The following ROBO2 variants were observed in gnomAD, a reference collection of about 807,000 sequenced individuals.
ROBO2 encodes the protein roundabout homolog 2.
In ROBO2, 53 loss-of-function variants were observed where a neutral mutation model predicts 160.8. That is an observed-to-expected ratio of 0.33 (90% CI 0.26 to 0.41). The LOEUF (loss-of-function observed/expected upper bound fraction) is 0.41. Ranked by LOEUF, ROBO2 falls within the 10% of genes least tolerant of loss-of-function variation. The pLI is 1.00. For missense variants in ROBO2, 1,577 were observed against 1,722.4 expected (o/e 0.92, Z 1.49); for synonymous variants, 664 against 611.7 (o/e 1.09, Z -1.26).
intron 2 of ROBO2, among the ~76,000 whole-genome samples, chr3:76,868,502 A>G (rs2071624488): frequency 6.6e-6 from 1 of 152,240 alleles, no homozygotes; most frequent in Non-Finnish European, 1.5e-5. Context: ...ACAATAAATC[A>G]CAACGTTCTA....
chr3:76,818,965 G>A (rs565143822), intron 2 of ROBO2, among the ~76,000 whole-genome samples: 4 of 151,914 alleles, frequency 2.6e-5, no homozygotes, highest in Middle Eastern at 3.4e-3. Context: ...CATATGAATT[G>A]ACTCTTCATC....
intron 2 of ROBO2, among the ~76,000 whole-genome samples, chr3:76,328,297 C>T (rs886907560): frequency 6.6e-6 from 1 of 152,096 alleles, no homozygotes; most frequent in Non-Finnish European, 1.5e-5. Flanking sequence ...GCTGAATATC[C>T]CATTAACCAA....
chr3:76,882,108 G>T (rs1339067316), intron 2 of ROBO2, among the ~76,000 whole-genome samples: 1 of 134,702 alleles, frequency 7.4e-6, no homozygotes, highest in African/African-American at 2.6e-5. Flanking sequence ...GTGTGTGTGT[G>T]TGTGTCTGTG....
intron 2 of ROBO2, among the ~76,000 whole-genome samples, chr3:76,345,356 G>A (rs1169437156): frequency 6.6e-6 from 1 of 151,486 alleles, no homozygotes; most frequent in Admixed American, 6.6e-5. Flanking sequence ...AAATAGGTGA[G>A]TATGAATGTG....
intron 2 of ROBO2, among the ~76,000 whole-genome samples, chr3:76,226,132 A>T (rs1559661703): frequency 6.6e-6 from 1 of 152,208 alleles, no homozygotes; most frequent in Non-Finnish European, 1.5e-5. Flanking sequence ...AAAACTTAAT[A>T]CTAAGAAATT....
chr3:76,101,317 C>A (rs1278876455), intron 2 of ROBO2, among the ~76,000 whole-genome samples: 1 of 152,096 alleles, frequency 6.6e-6, no homozygotes, highest in African/African-American at 2.4e-5. Flanking sequence ...CAACACTATA[C>A]AGACAGCAGT....
At chr3:76,427,270 A>G (rs2076258226) in intron 2 of ROBO2, among the ~76,000 whole-genome samples, 3 of 152,232 alleles carry the variant, frequency 2.0e-5, no homozygotes, top group South Asian at 4.1e-4. Flanking sequence ...CCTAAAAAAA[A>G]AAACCACTCG....
At chr3:76,157,946 A>G (rs2072471454) in intron 2 of ROBO2, among the ~76,000 whole-genome samples, 1 of 152,154 alleles carries the variant, frequency 6.6e-6, no homozygotes, top group African/African-American at 2.4e-5. Flanking sequence ...TCAGATAGGA[A>G]ATTCATTCTC....
At chr3:76,017,743 C>A (rs2066446345) in intron 2 of ROBO2, among the ~76,000 whole-genome samples, 1 of 151,990 alleles carries the variant, frequency 6.6e-6, no homozygotes, top group Admixed American at 6.6e-5. Context: ...TTCTACATTT[C>A]AAATAATGTG....
In ROBO2 at chr3:76,723,621, C is replaced by T. The variant is rs1247752117; in HGVS notation, c.110-374393C>T. Among the ~76,000 whole-genome samples the T allele has an allele frequency of 5.9e-5, 9 of 152,130 alleles. No individual in the cohort carries two copies. In the East Asian group the frequency reaches 1.7e-3, roughly 29 times the overall value. On this transcript the variant is annotated intron_variant, in intron 2 of 26. Transcript: ENST00000487694. ...TTGTCTCCTCTTTGTCCTTGTCTTC[C>T]AGTGCTAGTAAGCCCCATAGCTACA...
At chr3:76,113,627 T>A (rs989318094) in intron 2 of ROBO2, among the ~76,000 whole-genome samples, 1 of 152,168 alleles carries the variant, frequency 6.6e-6, no homozygotes, top group African/African-American at 2.4e-5. Flanking sequence ...ATTTTAGTGA[T>A]GAAGAGAACC....
At position 77,337,158 on chromosome 3, in the gene ROBO2, G is replaced by A. The variant is rs577185746; in HGVS notation, c.389-140256G>A. ...GAACATCGGCAATTTCTAGCTGTTAGAAAGTGAAGTCATATTTCTAAAGAG... is the reference window on the plus strand; with the variant it reads ...GAACATCGGCAATTTCTAGCTGTTAAAAAGTGAAGTCATATTTCTAAAGAG... On this transcript the variant is annotated intron_variant, in intron 2 of 25. Coordinates refer to ENST00000461745, the Ensembl canonical transcript of ROBO2. 4.6e-5 allele frequency among the ~76,000 whole-genome samples: 7 copies of A among 152,314 alleles called. No homozygotes were observed. In the East Asian group the frequency reaches 1.4e-3, roughly 29 times the overall value.
intron 2 of ROBO2, among the ~76,000 whole-genome samples, chr3:76,213,376 G>A (rs1187956139): frequency 1.3e-5 from 2 of 152,056 alleles, no homozygotes; most frequent in African/African-American, 4.8e-5. Context: ...AAAAAGAAGA[G>A]TATGGGAAAT....
intron 2 of ROBO2, among the ~76,000 whole-genome samples, chr3:76,626,677 C>T (rs2089660869): frequency 6.6e-6 from 1 of 152,020 alleles, no homozygotes; most frequent in African/African-American, 2.4e-5. Flanking sequence ...AACTTATTGT[C>T]ATTTAGAATC....
chr3:76,510,352 A>C (rs1295488625), intron 2 of ROBO2, among the ~76,000 whole-genome samples: 1 of 152,216 alleles, frequency 6.6e-6, no homozygotes, highest in African/African-American at 2.4e-5. Context: ...ATGGCGTTAG[A>C]GTGACCACCA....
intron 1 of ROBO2, among the ~76,000 whole-genome samples, chr3:77,066,208 A>C (rs2066823524): frequency 6.6e-6 from 1 of 152,126 alleles, no homozygotes; most frequent in Non-Finnish European, 1.5e-5. Context: ...AATTTTGAAG[A>C]GGCCACTTCC....
intron 2 of ROBO2, among the ~76,000 whole-genome samples, chr3:76,774,573 C>T (rs1365942651): frequency 2.7e-5 from 4 of 150,728 alleles, no homozygotes; most frequent in African/African-American, 9.7e-5. Flanking sequence ...AATGTTGCTC[C>T]TTAAAAAGGC....
chr3:77,559,771 C>T (rs2093259624), intron 9 of ROBO2, among the ~76,000 whole-genome samples: 1 of 151,988 alleles, frequency 6.6e-6, no homozygotes, highest in South Asian at 2.1e-4. Context: ...TACATGCACA[C>T]ACATGCACAC....
At chr3:77,156,145 A>G (rs114407374) in intron 2 of ROBO2, among the ~76,000 whole-genome samples, 1,988 of 152,062 alleles carry the variant, frequency 0.013, 65 homozygotes, top group African/African-American at 0.045. Context: ...AACCGAACTT[A>G]TAACTTTCCT....
Sources: gnomAD v4.1 joint callset for allele counts (sites outside exome capture counted in the v4.1 genomes callset) on GRCh38, gnomAD v4.1.1 for gene constraint, MANE v1.5 for transcripts, NCBI Gene and HGNC (gene_info 2026-07-23, HGNC 2026-07-21) for gene names.